FAM47E: variants seen among roughly 807,000 people sequenced by gnomAD.
FAM47E encodes protein FAM47E.
In FAM47E, 32 loss-of-function variants were observed where a neutral mutation model predicts 41.6. That is an observed-to-expected ratio of 0.77 (90% confidence interval 0.58 to 1.03). The LOEUF is 1.03. FAM47E is among the 50% of genes least tolerant of loss of function. The pLI, the probability that FAM47E is intolerant of heterozygous loss-of-function variation, is 0.00. For synonymous variants in FAM47E, 184 were observed against 188.7 expected (o/e 0.98, Z 0.20); for missense variants, 424 against 485.4 (o/e 0.87, Z 1.19).
chr4:76,278,103 A>C lies in FAM47E; in HGVS notation c.905A>C (p.Tyr302Ser). 1 of 1,548,756 alleles carries C rather than the reference A, an allele frequency of 6.5e-7. No homozygotes were observed. Residue 302 changes from tyrosine to serine, a missense_variant, in exon 6 of 8, where the codon TAT (tyrosine) becomes TCT (serine). By Grantham distance (144) the Tyr-to-Ser change is moderately radical (BLOSUM62 -2). Coordinates refer to ENST00000424749, the MANE Select transcript of FAM47E (RefSeq NM_001136570.3). ...PYKPKWVKMR[Y>S]GAWYLNPKLW... Reference sequence around the variant, plus strand: ...AAGCCAAAGTGGGTGAAGATGAGGTATGGAGCATGGTATTTGAACCCCAAG... The same window carrying C: ...AAGCCAAAGTGGGTGAAGATGAGGTCTGGAGCATGGTATTTGAACCCCAAG...
At chr4:76,270,816 CTGTT>C (rs763663412) in intron 4 of FAM47E, among the ~76,000 whole-genome samples, 2 of 152,180 alleles carry the variant, frequency 1.3e-5, no homozygotes, top group South Asian at 2.1e-4. Flanking sequence ...TCCTTCCATG[CTGTT>C]TGTTTATTTT....
At position 76,246,225 on chromosome 4, in the gene FAM47E, G is replaced by A. The variant is rs59431226; in HGVS notation, c.82-17479G>A. Among the ~76,000 whole-genome samples, 913 of 152,234 alleles carry A rather than the reference G, an allele frequency of 6.0e-3. 17 individuals are homozygous for A. The highest frequency in any genetic ancestry group is 0.021 in the African/African-American group (866 of 41,514). ...AATTCTGAGTGACTGCTGTGCTCTGGTGGCTCCAGCCACTCTCTACAAGAT... is the reference window on the plus strand; with the variant it reads ...AATTCTGAGTGACTGCTGTGCTCTGATGGCTCCAGCCACTCTCTACAAGAT... On this transcript the variant is annotated intron_variant, in intron 2 of 7. Transcript: ENST00000510197.
At chr4:76,227,551 G>C (rs949935455) in intron 2 of FAM47E, among the ~76,000 whole-genome samples, 1 of 152,046 alleles carries the variant, frequency 6.6e-6, no homozygotes, top group Non-Finnish European at 1.5e-5. Flanking sequence ...TATCTATCTG[G>C]GGTATAGTTT....
chr4:76,239,029 G>A (rs1194916961), intron 2 of FAM47E, among the ~76,000 whole-genome samples: 1 of 152,158 alleles, frequency 6.6e-6, no homozygotes, highest in Non-Finnish European at 1.5e-5. Context: ...TTAACATAAT[G>A]TCCTCAAGAT....
chr4:76,280,980 G>T (rs771200292), intron 7 of FAM47E: 2 of 152,376 alleles, frequency 1.3e-5, no homozygotes, highest in Non-Finnish European at 2.9e-5. Context: ...CAGGGTTGGG[G>T]TGGGAGGTTG....
chr4:76,282,707 T>G (rs199599900), intron 7 of FAM47E: 1 of 64,554 alleles, frequency 1.5e-5, no homozygotes, highest in East Asian at 4.6e-4. Context: ...ATGATGCCCC[T>G]GGTCACAACA....
At chr4:76,260,792 G>A (rs2110009729) in intron 2 of FAM47E, among the ~76,000 whole-genome samples, 1 of 152,250 alleles carries the variant, frequency 6.6e-6, no homozygotes, top group African/African-American at 2.4e-5. Context: ...CAGAATGGGA[G>A]AAACTATTTG....
Position 76,280,317 on chromosome 4 carries a change from A to G in FAM47E, c.1080A>G (p.Leu360=). The G allele has an allele frequency of 6.5e-7, 1 of 1,549,848 alleles. No homozygotes were observed. Among genetic ancestry groups the G allele is most frequent in the Non-Finnish European group, 8.7e-7 (1 of 1,145,460 alleles). Residue 360 remains leucine, a synonymous_variant, in exon 7 of 8, where the codon CTA becomes CTG. Transcript: ENST00000424749. The part of the protein sequence containing the change: ...HGTVAFKDFI[L]SRGYRTPRFL... ...CAGTTGCCTTTAAGGATTTCATTCT[A>G]AGCAGGGGCTACAGGACGCCACGTG...
intron 4 of FAM47E, among the ~76,000 whole-genome samples, chr4:76,270,646 AG>A (rs1000009445): frequency 6.6e-6 from 1 of 152,154 alleles, no homozygotes; most frequent in African/African-American, 2.4e-5. Context: ...CTCTCAAGGC[AG>A]GAAACTGAAG....
chr4:76,221,951 C>A (rs1733316700), intron 2 of FAM47E, among the ~76,000 whole-genome samples: 1 of 152,208 alleles, frequency 6.6e-6, no homozygotes, highest in African/African-American at 2.4e-5. Context: ...ATCTATGCCA[C>A]ATGATGTTGT....
At chr4:76,265,369 T>C (rs1286203620) in intron 3 of FAM47E, among the ~76,000 whole-genome samples, 7 of 152,206 alleles carry the variant, frequency 4.6e-5, no homozygotes, top group African/African-American at 1.7e-4. Flanking sequence ...TAGCAAGTCC[T>C]CTTGGACCTA....
At chr4:76,252,553 T>C (rs1560740421) in intron 1 of FAM47E, among the ~76,000 whole-genome samples, 1 of 152,130 alleles carries the variant, frequency 6.6e-6, no homozygotes, top group African/African-American at 2.4e-5. Flanking sequence ...AACTATAAAA[T>C]GGGGCAATAA....
intron 2 of FAM47E, among the ~76,000 whole-genome samples, chr4:76,226,189 G>A (rs558350192): frequency 2.0e-5 from 3 of 152,254 alleles, no homozygotes; most frequent in Admixed American, 1.3e-4. Flanking sequence ...GGCTGCGAAG[G>A]CCCTGAGCTC....
intron 5 of FAM47E, among the ~76,000 whole-genome samples, chr4:76,275,968 G>A (rs1005605777): frequency 3.0e-4 from 45 of 151,784 alleles, no homozygotes; most frequent in Admixed American, 3.0e-3. Context: ...TTAGAATCTA[G>A]TGGGTAGAAG....
At chr4:76,216,907 A>G (rs1197361072) in intron 1 of FAM47E, among the ~76,000 whole-genome samples, 1 of 152,214 alleles carries the variant, frequency 6.6e-6, no homozygotes, top group Admixed American at 6.5e-5. Context: ...CTGTGATCCC[A>G]CAGTAATCTC....
chr4:76,241,528 C>T (rs981287801), intron 2 of FAM47E, among the ~76,000 whole-genome samples: 1 of 152,094 alleles, frequency 6.6e-6, no homozygotes, highest in African/African-American at 2.4e-5. Flanking sequence ...TACACAGCTG[C>T]CTGACACAGG....
chr4:76,241,464 T>C (rs1334916846), intron 2 of FAM47E, among the ~76,000 whole-genome samples: 1 of 152,112 alleles, frequency 6.6e-6, no homozygotes, highest in East Asian at 1.9e-4. Flanking sequence ...AGGACAGTTT[T>C]TTTTTTTCAA....
At chr4:76,240,771 CT>C (rs1330858590) in intron 2 of FAM47E, among the ~76,000 whole-genome samples, 1 of 152,078 alleles carries the variant, frequency 6.6e-6, no homozygotes, top group Non-Finnish European at 1.5e-5. Flanking sequence ...GGTTTTCTCT[CT>C]CTTTATTGAT....
At chr4:76,214,624 T>G (rs1733165114) in intron 1 of FAM47E, among the ~76,000 whole-genome samples, 1 of 152,140 alleles carries the variant, frequency 6.6e-6, no homozygotes, top group Admixed American at 6.5e-5. Context: ...GCTGGTGTTC[T>G]TGCCTGCTTT....
Sources: allele counts gnomAD v4.1 joint callset (sites outside exome capture counted in the v4.1 genomes callset), GRCh38; gene constraint gnomAD v4.1.1; transcripts MANE v1.5; gene names NCBI Gene and HGNC (gene_info 2026-07-23, HGNC 2026-07-21).